Variants in RNF31 observed in about 807,000 individuals in gnomAD.
The protein encoded by RNF31 is E3 ubiquitin-protein ligase RNF31.
A neutral mutation model predicts 133.6 loss-of-function variants in RNF31; 38 were observed. That is an observed-to-expected ratio of 0.28 (90% CI 0.22 to 0.37). The LOEUF (loss-of-function observed/expected upper bound fraction) is 0.37. Among genes scored for constraint, RNF31 ranks in the 10% least tolerant of loss-of-function variants. RNF31 has a pLI of 1.00. For missense variants in RNF31, 1,118 were observed against 1,394.1 expected (o/e 0.80, Z 3.15); for synonymous variants, 582 against 552.3 (o/e 1.05, Z -0.75).
In RNF31 at chr14:24,150,259, T is replaced by C. The variant is rs1257225650; in HGVS notation, c.1008T>C (p.Thr336=). The part of the protein sequence containing the change: ...PRGCKGLGLG[T]EGPQGTGGLE... ...GCTGTAAGGGGTTGGGGTTGGGAACTGAGGGTCCCCAAGGAACTGGAGGCC... is the reference window on the plus strand; with the variant it reads ...GCTGTAAGGGGTTGGGGTTGGGAACCGAGGGTCCCCAAGGAACTGGAGGCC... Residue 336 remains threonine, a synonymous_variant, in exon 7 of 21, where the codon ACT becomes ACC. Transcript: ENST00000324103. The C allele has an allele frequency of 6.2e-7, 1 of 1,614,056 alleles. No homozygotes were observed. The highest frequency in any genetic ancestry group is 2.2e-5 in the East Asian group (1 of 44,894).
Position 24,151,551 on chromosome 14 carries a change from G to A in RNF31, c.1804G>A (p.Gly602Arg), listed in dbSNP as rs375638461. 112 of 1,614,200 alleles carry A rather than the reference G, an allele frequency of 6.9e-5. No homozygotes were observed. The East Asian group carries it at 1.1e-3, about 15-fold the overall frequency. ...GTCTCTCCAGGCATTGTTCCAGCACGGAGGTGATGTGTCACGGGCCCTGAC... is the reference window on the plus strand; with the variant it reads ...GTCTCTCCAGGCATTGTTCCAGCACAGAGGTGATGTGTCACGGGCCCTGAC... ...EGSLQALFQH[G>R]GDVSRALTEL... Residue 602 changes from glycine (G) to arginine (R), a missense_variant, in exon 10 of 21, where the codon GGA becomes AGA. Gly to Arg is a moderately radical substitution (Grantham distance 125). Around this residue, in one of 3 missense-constraint regions of RNF31, gnomAD observed 747 missense variants for 827.9 expected, o/e 0.90. Transcript: ENST00000324103. This position sits in a 1 kb window ranked among gnomAD's most constrained non-coding sequence, Gnocchi z 5.3.
At chr14:24,154,823 G>T in intron 11 of RNF31, 1 of 351,316 alleles carries the variant, frequency 2.8e-6, no homozygotes, top group South Asian at 3.3e-5. Context: ...ATACCCTTCT[G>T]CCCCCACTTC....
rs1464260945 is a variant in RNF31 at position 24,150,800 on chromosome 14, C to G, written c.1400C>G (p.Ala467Gly). The G allele has an allele frequency of 6.2e-7, 1 of 1,604,560 alleles. No individual in the cohort carries two copies. The highest frequency in any genetic ancestry group is 8.5e-7 in the Non-Finnish European group (1 of 1,174,338). ...PKPGPPRRLS[A>G]PLPSSCGDPE... ...CCTGGGCCCCCACGACGCCTTAGTG[C>G]CCCCCTGCCCAGTTCCTGTGGAGAT... The change falls in exon 8 of 21, where the codon GCC becomes GGC. Residue 467 changes from alanine to glycine, a missense_variant. Physicochemically the swap from Ala to Gly is moderately conservative, Grantham distance 60. Transcript: ENST00000324103.
chr14:24,149,038 A>C (rs1278652019), intron 5 of RNF31, 162 bp downstream of exon 5: 2 of 701,090 alleles, frequency 2.9e-6, no homozygotes, highest in Non-Finnish European at 4.9e-6. Context: ...ATCTCCGCTC[A>C]CCGCAACCTC....
intron 18 of RNF31, 176 bp from the exon 19 acceptor site, chr14:24,159,688 G>C: frequency 1.8e-6 from 1 of 555,786 alleles, no homozygotes; most frequent in Non-Finnish European, 3.3e-6. Flanking sequence ...CTCTGTATCA[G>C]ATGGTCTGCC....
intron 18 of RNF31, among the ~76,000 whole-genome samples, chr14:24,159,368 A>C (rs1481755493): frequency 6.6e-6 from 1 of 150,752 alleles, no homozygotes; most frequent in African/African-American, 2.4e-5. Flanking sequence ...AAAAAAAAAA[A>C]AAAACCAGAG....
In RNF31 at chr14:24,151,951, C is replaced by T; in HGVS notation, c.2089C>T (p.Gln697Ter). 1 of 1,614,170 alleles carries T rather than the reference C, an allele frequency of 6.2e-7. No homozygotes were observed. Among genetic ancestry groups the T allele is most frequent in the Non-Finnish European group, 8.5e-7 (1 of 1,180,024 alleles). The change falls in exon 11 of 21, where the codon CAG becomes TAG. Residue 697 changes from glutamine (Q) to a stop codon, truncating the protein, a stop_gained. Coordinates refer to ENST00000324103, the MANE Select transcript of RNF31 (RefSeq NM_017999.5). LOFTEE classifies it high-confidence loss of function. This position sits in a 1 kb window ranked among gnomAD's most constrained non-coding sequence, Gnocchi z 5.3. ...DRAFLRRLLA[Q>*]ECAVCGWALP... is the part of the protein sequence containing the mutation. The stretch of plus-strand genomic sequence containing the variant: ...GGCCTTCCTGCGCCGCTTGCTTGCC[C>T]AGGAGTGTGCCGTGTGTGGCTGGGC...
intron 11 of RNF31, among the ~76,000 whole-genome samples, chr14:24,154,306 C>T (rs532606999): frequency 2.6e-5 from 4 of 152,078 alleles, no homozygotes; most frequent in African/African-American, 7.2e-5. Context: ...TACAGGCATG[C>T]GCCACCACAC....
At chr14:24,152,607 CAG>C (rs956718649) in intron 11 of RNF31, among the ~76,000 whole-genome samples, 3 of 152,066 alleles carry the variant, frequency 2.0e-5, no homozygotes, top group Non-Finnish European at 4.4e-5. Flanking sequence ...TTAGTAGAGA[CAG>C]GGTTTCGCCA....
Position 24,148,293 on chromosome 14 carries a change from A to T in RNF31, c.375A>T (p.Thr125=). The T allele has an allele frequency of 6.2e-7, 1 of 1,614,238 alleles. No homozygotes were observed. Among genetic ancestry groups the T allele is most frequent in the Non-Finnish European group, 8.5e-7 (1 of 1,180,046 alleles). ...ATGTGCTGCGATTATATGGCTACAC[A>T]GAGGAGCAACCAGATGGGTTGAGCT... is the stretch of plus-strand genomic sequence containing the variant. ...GRDVLRLYGY[T]EEQPDGLSFP... The change falls in exon 3 of 21, where the codon ACA becomes ACT. Residue 125 remains threonine, a synonymous_variant. Coordinates refer to ENST00000324103, the MANE Select transcript of RNF31 (RefSeq NM_017999.5).
Position 24,151,437 on chromosome 14 carries a change from C to T in RNF31, c.1738-48C>T. 6.2e-7 allele frequency: 1 copy of T among 1,613,254 alleles called. No homozygotes were observed. On this transcript the variant is annotated intron_variant, in intron 9 of 20. Transcript: ENST00000324103. This position sits in a 1 kb window ranked among gnomAD's most constrained non-coding sequence, Gnocchi z 5.3. ...AGAGTCTGCATCTCTCACACTCTCC[C>T]TTGCTTGCTTTCCCACTTCATTCCC... is the stretch of plus-strand genomic sequence containing the variant.
chr14:24,153,491 C>T (rs1025823017), intron 11 of RNF31, among the ~76,000 whole-genome samples: 2 of 151,674 alleles, frequency 1.3e-5, no homozygotes, highest in South Asian at 4.2e-4. Flanking sequence ...GCAGGAGAAT[C>T]GCTTGAACCT....
At position 24,160,014 on chromosome 14, in the gene RNF31, G is replaced by C; in HGVS notation, c.2996+54G>C. On this transcript the variant is annotated intron_variant, in intron 19 of 20. Coordinates refer to ENST00000324103, the MANE Select transcript of RNF31 (RefSeq NM_017999.5). This position sits in a 1 kb window ranked among gnomAD's most constrained non-coding sequence, Gnocchi z 4.0. ...GTTGGGCAGTGGGTAGAAGTGGTGA[G>C]GGCATGCCCAGGCAGTAAAATGGGT... The C allele has an allele frequency of 6.5e-7, 1 of 1,544,882 alleles. No individual in the cohort carries two copies. Among genetic ancestry groups the C allele is most frequent in the Non-Finnish European group, 8.9e-7 (1 of 1,125,234 alleles).
At chr14:24,149,009 G>C (rs2038222245) in intron 5 of RNF31, 133 bp downstream of exon 5, 4 of 879,962 alleles carry the variant, frequency 4.5e-6, no homozygotes, top group Non-Finnish European at 7.5e-6. Flanking sequence ...TGTTGCCCAG[G>C]CTGGAGTGCA....
At chr14:24,148,778 A>G (rs1474121754) in intron 4 of RNF31, 23 bp from the exon 5 acceptor site, 2 of 1,614,074 alleles carry the variant, frequency 1.2e-6, no homozygotes, top group Non-Finnish European at 1.7e-6. Flanking sequence ...ACCCTTATTC[A>G]TTCCCTGCCC....
rs754220603 is a variant in RNF31 at position 24,155,666 on chromosome 14, A to G, written c.2467A>G (p.Thr823Ala). 1 of 1,614,138 alleles carries G rather than the reference A, an allele frequency of 6.2e-7. No individual in the cohort carries two copies. The highest frequency in any genetic ancestry group is 8.5e-7 in the Non-Finnish European group (1 of 1,180,008). ...GGCAACTTGTCCCCAGTGTCACCAGACCTTCTGTGTGCGCTGCAAGCGCCA... is the reference window on the plus strand; with the variant it reads ...GGCAACTTGTCCCCAGTGTCACCAGGCCTTCTGTGTGCGCTGCAAGCGCCA... The part of the protein sequence containing the change: ...LEATCPQCHQ[T>A]FCVRCKRQWE... The change falls in exon 14 of 21, where the codon ACC (threonine) becomes GCC (alanine). Residue 823 changes from threonine to alanine, a missense_variant. Thr to Ala is a moderately conservative substitution (Grantham distance 58). Transcript: ENST00000324103. This position sits in a 1 kb window ranked among gnomAD's most constrained non-coding sequence, Gnocchi z 4.9.
intron 5 of RNF31, 100 bp downstream of exon 5, chr14:24,148,976 G>A: frequency 8.9e-7 from 1 of 1,120,830 alleles, no homozygotes; most frequent in Non-Finnish European, 1.4e-6. Flanking sequence ...GTGTTTGTTT[G>A]TTTTGAGACG....
Position 24,148,661 on chromosome 14 carries a change from A to G in RNF31, c.515A>G (p.Gln172Arg), listed in dbSNP as rs781741612. 15 of 1,614,198 alleles carry G rather than the reference A, an allele frequency of 9.3e-6. No homozygotes were observed. The Admixed American group carries it at 1.0e-4, about 11-fold the overall frequency. The change falls in exon 4 of 21, where the codon CAG (glutamine) becomes CGG (arginine). Residue 172 changes from glutamine to arginine, a missense_variant. Transcript: ENST00000324103. ...TTGCAGAATACTCATCCAAGACAGC[A>G]GGCACTGGAGCAGCTGTTGGAAGAC... ...LLLQNTHPRQ[Q>R]ALEQLLEDKV...
rs529364507 is a variant in RNF31, at chr14:24,150,250, G to T, written c.999G>T (p.Gly333=). The change falls in exon 7 of 21, where the codon GGG becomes GGT. Residue 333 remains glycine, a synonymous_variant. Transcript: ENST00000324103. ...CDRPRGCKGL[G]LGTEGPQGTG... is the part of the protein sequence containing the mutation. The stretch of plus-strand genomic sequence containing the variant: ...GGCCCCGAGGCTGTAAGGGGTTGGG[G>T]TTGGGAACTGAGGGTCCCCAAGGAA... 3.7e-6 allele frequency: 6 copies of T among 1,614,204 alleles called. No homozygotes were observed. In the Admixed American group the frequency reaches 5.0e-5, roughly 13 times the overall value.
Sources: allele counts gnomAD v4.1 joint callset (sites outside exome capture counted in the v4.1 genomes callset), GRCh38; gene constraint gnomAD v4.1.1; regional missense constraint gnomAD v4.1.1; non-coding constraint Gnocchi (gnomAD v3.1); transcripts MANE v1.5; gene names NCBI Gene and HGNC (gene_info 2026-07-23, HGNC 2026-07-21).